IPO5: variants seen among roughly 807,000 people sequenced by gnomAD.
IPO5 encodes the protein importin 5.
IPO5 carries 18 observed loss-of-function variants against 143.3 expected under a neutral mutation model. The observed-to-expected ratio is 0.13, with a 90% confidence interval of 0.09 to 0.19. The LOEUF (loss-of-function observed/expected upper bound fraction) is 0.19. Among genes scored for constraint, IPO5 ranks in the 10% least tolerant of loss-of-function variants. The pLI, the probability that IPO5 is intolerant of heterozygous loss-of-function variation, is 1.00. For missense variants in IPO5, 1,013 were observed against 1,336.9 expected (o/e 0.76, Z 3.78); for synonymous variants, 477 against 465.7 (o/e 1.02, Z -0.31).
intron 21 of IPO5, 114 bp from the exon 22 acceptor site, chr13:98,013,928 C>A (rs553754879): frequency 2.5e-6 from 2 of 794,156 alleles, no homozygotes; most frequent in Non-Finnish European, 2.0e-6. Context: ...TTAACACAAG[C>A]TCTTGGGTAT....
chr13:97,958,059 G>A (rs1412894195), intron 2 of IPO5, among the ~76,000 whole-genome samples: 2 of 152,110 alleles, frequency 1.3e-5, no homozygotes, highest in African/African-American at 2.4e-5. Flanking sequence ...AACTTAAAGT[G>A]ACTAATGTTA....
intron 12 of IPO5, 44 bp downstream of exon 12, chr13:97,997,662 C>T (rs1207117041): frequency 8.2e-7 from 1 of 1,221,324 alleles, no homozygotes; most frequent in African/African-American, 1.5e-5. Context: ...AGCCCTAGGG[C>T]TCCACGGTCC....
chr13:97,976,611 G>A (rs1236422621), intron 3 of IPO5, 82 bp from the exon 4 acceptor site: 2 of 411,464 alleles, frequency 4.9e-6, no homozygotes, highest in Non-Finnish European at 7.4e-6. Context: ...TCCCCGCGCT[G>A]GGCCCGCCCC....
intron 4 of IPO5, chr13:97,981,462 G>C (rs920601702): frequency 1.7e-5 from 5 of 291,542 alleles, no homozygotes; most frequent in African/African-American, 1.1e-4. Flanking sequence ...GATGCCATGG[G>C]GCACTTAGTA....
rs148920118 is a variant in IPO5 at position 97,983,557 on chromosome 13, C to G, written c.171+974C>G. 7.2e-4 allele frequency among the ~76,000 whole-genome samples: 103 copies of G among 142,930 alleles called. 1 individual carries two copies. The highest frequency in any genetic ancestry group is 2.4e-3 in the African/African-American group (94 of 39,192). The allele number at this position is 142,930 out of a possible 152,430, so 93.8% of individuals were successfully genotyped here. A position where few individuals can be genotyped will look rare whatever the true frequency, so the allele number is the denominator to read the frequency against. On this transcript the variant is annotated intron_variant, in intron 5 of 28. Transcript: ENST00000651721. Reference sequence around the variant, plus strand: ...ATTCCACCCCCCCCCCCCACCGTCCCCCCGATTATAAGTTAATATCCTCAT... The same window carrying G: ...ATTCCACCCCCCCCCCCCACCGTCCGCCCGATTATAAGTTAATATCCTCAT...
chr13:97,973,854 GA>G (rs1886041152), intron 3 of IPO5, among the ~76,000 whole-genome samples: 1 of 152,156 alleles, frequency 6.6e-6, no homozygotes, highest in Non-Finnish European at 1.5e-5. Context: ...AGGATCGCCC[GA>G]ACTCAGGAGT....
At chr13:97,995,182 T>G (rs998597903) in intron 11 of IPO5, among the ~76,000 whole-genome samples, 6 of 150,946 alleles carry the variant, frequency 4.0e-5, no homozygotes, top group Admixed American at 1.3e-4. Context: ...TTTCTTTGTT[T>G]TTTTTTTTTT....
intron 12 of IPO5, among the ~76,000 whole-genome samples, chr13:97,997,912 C>A (rs1311965825): frequency 6.6e-6 from 1 of 152,032 alleles, no homozygotes; most frequent in Non-Finnish European, 1.5e-5. Context: ...CCTACAACAA[C>A]AAACAAGGAA....
At chr13:98,014,607 G>T (rs189988360) in intron 22 of IPO5, among the ~76,000 whole-genome samples, 3 of 152,086 alleles carry the variant, frequency 2.0e-5, no homozygotes, top group Non-Finnish European at 4.4e-5. Context: ...TAAATTTTTT[G>T]TTTTAATATT....
intron 2 of IPO5, among the ~76,000 whole-genome samples, chr13:97,958,526 C>T (rs1358161430): frequency 6.6e-6 from 1 of 152,082 alleles, no homozygotes; most frequent in Non-Finnish European, 1.5e-5. Flanking sequence ...TTTTGTGTTA[C>T]CCCATTGCAG....
At chr13:97,969,307 G>T (rs973767680) in intron 2 of IPO5, among the ~76,000 whole-genome samples, 1 of 149,338 alleles carries the variant, frequency 6.7e-6, no homozygotes, top group Non-Finnish European at 1.5e-5. Context: ...TCAGCCTCCC[G>T]AGTAGCTGGG....
chr13:98,006,206 A>G lies in IPO5; in HGVS notation c.1574A>G (p.Glu525Gly), dbSNP rs1277007180. 2 of 1,613,942 alleles carry G rather than the reference A, an allele frequency of 1.2e-6. No homozygotes were observed. The highest frequency in any genetic ancestry group is 1.3e-5 in the African/African-American group (1 of 75,028). The change falls in exon 17 of 29, where the codon GAA (glutamate) becomes GGA (glycine). Residue 525 changes from glutamate to glycine, a missense_variant. Glu to Gly is a moderately conservative substitution (Grantham distance 98, BLOSUM62 -2). This residue lies in a region of IPO5 where 685 missense variants were observed against 994.9 expected (regional missense o/e 0.69). Transcript: ENST00000651721. ...GCATCAGTTGCCGATACTGCAGAAGAAAAATTTGTCCCCTACTATGATTTA... is the reference window on the plus strand; with the variant it reads ...GCATCAGTTGCCGATACTGCAGAAGGAAAATTTGTCCCCTACTATGATTTA... Reference protein sequence around the residue: ...SIASVADTAEEKFVPYYDLFM... With the variant: ...SIASVADTAEGKFVPYYDLFM...
At chr13:97,958,721 C>T (rs1382990854) in intron 2 of IPO5, among the ~76,000 whole-genome samples, 2 of 151,738 alleles carry the variant, frequency 1.3e-5, no homozygotes, top group Non-Finnish European at 2.9e-5. Context: ...AAACCGACCA[C>T]ACAACAGTGA....
At chr13:97,994,302 C>A (rs567516275) in intron 11 of IPO5, among the ~76,000 whole-genome samples, 34 of 150,326 alleles carry the variant, frequency 2.3e-4, no homozygotes, top group African/African-American at 8.3e-4. Context: ...GAGCGAAACT[C>A]GTCTCAAAAA....
intron 4 of IPO5, 28 bp downstream of exon 4, chr13:97,976,814 G>A (rs371240790): frequency 6.3e-6 from 7 of 1,107,518 alleles, no homozygotes; most frequent in Non-Finnish European, 8.6e-6. Flanking sequence ...CCCAGTCTTC[G>A]CGCCCTGGCC....
chr13:98,016,190 CCTAGGACTGTCAAGCATA>C (rs1286643190), intron 24 of IPO5, among the ~76,000 whole-genome samples: 5 of 152,158 alleles, frequency 3.3e-5, no homozygotes, highest in African/African-American at 1.2e-4. Context: ...CATCAAACCA[CCTAGGACTGTCAAGCATA>C]CTTCATTGTG....
chr13:97,992,463 C>T (rs1325394345), intron 9 of IPO5, among the ~76,000 whole-genome samples: 2 of 152,150 alleles, frequency 1.3e-5, no homozygotes, highest in African/African-American at 2.4e-5. Flanking sequence ...GTTGTCCTGG[C>T]TACTCAGGAG....
chr13:98,001,888 A>G (rs566256630), intron 13 of IPO5: 1 of 152,410 alleles, frequency 6.6e-6, no homozygotes, highest in South Asian at 2.1e-4. Context: ...TGCTGGGATT[A>G]CAGGTGTGAG....
At chr13:98,017,303 A>G (rs923007544) in intron 25 of IPO5, among the ~76,000 whole-genome samples, 1 of 150,470 alleles carries the variant, frequency 6.6e-6, no homozygotes, top group African/African-American at 2.4e-5. Flanking sequence ...GATTTTTTTA[A>G]AATGTTTTAT....
Sources: allele counts gnomAD v4.1 joint callset (sites outside exome capture counted in the v4.1 genomes callset), GRCh38; gene constraint gnomAD v4.1.1; regional missense constraint gnomAD v4.1.1; transcripts MANE v1.5; gene names NCBI Gene and HGNC (gene_info 2026-07-23, HGNC 2026-07-21).